Variants in FOCAD observed in about 807,000 individuals in gnomAD.
The protein encoded by FOCAD is focadhesin.
In FOCAD, 198 loss-of-function variants were observed where a neutral mutation model predicts 225.6. The ratio of observed to expected loss-of-function variants is 0.88; its 90% CI spans 0.78 to 0.99. The LOEUF (loss-of-function observed/expected upper bound fraction) is 0.99, where lower values mean the gene tolerates loss of function less well. FOCAD is among the 50% of genes least tolerant of loss of function. The pLI, the probability that FOCAD is intolerant of heterozygous loss-of-function variation, is 0.00. For synonymous variants in FOCAD, 897 were observed against 755.0 expected (o/e 1.19, Z -3.08); for missense variants, 2,713 against 2,123.6 (o/e 1.28, Z -5.46).
intron 5 of FOCAD, among the ~76,000 whole-genome samples, chr9:20,751,774 A>G (rs1031135470): frequency 1.3e-5 from 2 of 148,462 alleles, no homozygotes; most frequent in African/African-American, 2.5e-5. Context: ...AGTCCCACCA[A>G]CAGTGTAAAA....
At chr9:20,698,564 C>G (rs560120960) in intron 1 of FOCAD, among the ~76,000 whole-genome samples, 1 of 152,116 alleles carries the variant, frequency 6.6e-6, no homozygotes, top group South Asian at 2.1e-4. Flanking sequence ...CTGTGCCTGG[C>G]TAATTTTTTA....
intron 19 of FOCAD, among the ~76,000 whole-genome samples, chr9:20,877,647 C>T (rs1281037981): frequency 3.3e-5 from 5 of 152,074 alleles, no homozygotes; most frequent in African/African-American, 4.8e-5. Flanking sequence ...CTGCAGTCAC[C>T]GGAAATACTC....
chr9:20,789,393 A>G lies in FOCAD; in HGVS notation c.1240A>G (p.Thr414Ala). The change falls in exon 11 of 44, where the codon ACA becomes GCA. Residue 414 changes from threonine (T) to alanine (A), a missense_variant. Coordinates refer to ENST00000338382, the MANE Select transcript of FOCAD (RefSeq NM_001375567.1). Reference sequence around the variant, plus strand: ...GTGCCCTGTAACCAGTATGTATGGTACAATATTTACAGCCTGGAGGATTCT... The same window carrying G: ...GTGCCCTGTAACCAGTATGTATGGTGCAATATTTACAGCCTGGAGGATTCT... ...LVCPVTSMYGTIFTAWRILEV... is the reference protein window; with the variant it reads ...LVCPVTSMYGAIFTAWRILEV... 4 of 1,614,042 alleles carry G rather than the reference A, an allele frequency of 2.5e-6. No homozygotes were observed. Among genetic ancestry groups the G allele is most frequent in the Non-Finnish European group, 3.4e-6 (4 of 1,179,952 alleles).
In FOCAD at chr9:20,967,650, A is replaced by G. The variant is rs760766098; in HGVS notation, c.4133-8770A>G. ...TGTGAGTTTTTCACAGTTTTTCTTT[A>G]TCATGTTAACATAGTATTATGTGTG... On this transcript the variant is annotated intron_variant, in intron 35 of 43. Transcript: ENST00000338382. 7.2e-4 allele frequency among the ~76,000 whole-genome samples: 109 copies of G among 152,056 alleles called. 1 individual carries two copies. The highest frequency in any genetic ancestry group is 1.3e-3 in the Non-Finnish European group (90 of 67,992).
chr9:20,782,083 G>A (rs1411813526), intron 10 of FOCAD, among the ~76,000 whole-genome samples, 154 bp downstream of exon 10: 1 of 151,678 alleles, frequency 6.6e-6, no homozygotes, highest in Non-Finnish European at 1.5e-5. Flanking sequence ...TATTCTTCTG[G>A]ACTATAAGAA....
chr9:20,686,377 G>C (rs567357599), intron 1 of FOCAD, among the ~76,000 whole-genome samples: 1 of 152,182 alleles, frequency 6.6e-6, no homozygotes, highest in South Asian at 2.1e-4. Context: ...GGCTGGTCTC[G>C]AAATCCTGAC....
intron 7 of FOCAD, 113 bp from the exon 8 acceptor site, chr9:20,769,919 A>T: frequency 1.1e-6 from 1 of 886,374 alleles, no homozygotes; most frequent in Non-Finnish European, 1.7e-6. Flanking sequence ...CATCTCCTTT[A>T]AGTCTTTATA....
chr9:20,716,222 A>T (rs772309877), intron 2 of FOCAD: 1 of 413,516 alleles, frequency 2.4e-6, no homozygotes, highest in Non-Finnish European at 5.6e-6. Flanking sequence ...CATGAAGAAG[A>T]AGATGAAGGC....
chr9:20,823,229 A>C, intron 15 of FOCAD, 114 bp downstream of exon 15: 1 of 1,212,396 alleles, frequency 8.2e-7, no homozygotes, highest in East Asian at 3.0e-5. Flanking sequence ...GTTCATTCCC[A>C]GTGAATTTTT....
At chr9:20,877,266 T>C (rs1445322984) in intron 19 of FOCAD, among the ~76,000 whole-genome samples, 1 of 152,198 alleles carries the variant, frequency 6.6e-6, no homozygotes, top group African/African-American at 2.4e-5. Flanking sequence ...AATAGCATAA[T>C]TGTAATTGCC....
At chr9:20,703,299 A>C (rs1002684927) in intron 1 of FOCAD, among the ~76,000 whole-genome samples, 5 of 152,096 alleles carry the variant, frequency 3.3e-5, no homozygotes, top group Non-Finnish European at 5.9e-5. Flanking sequence ...TGAGAGTTCT[A>C]GACCCAGATG....
At chr9:20,841,637 C>G (rs1419466864) in intron 15 of FOCAD, among the ~76,000 whole-genome samples, 1 of 151,346 alleles carries the variant, frequency 6.6e-6, no homozygotes, top group Non-Finnish European at 1.5e-5. Context: ...TTATTTGGGC[C>G]TTCTTTTTCT....
chr9:20,717,269 A>G (rs996131841), intron 2 of FOCAD, among the ~76,000 whole-genome samples: 11 of 152,208 alleles, frequency 7.2e-5, no homozygotes, highest in African/African-American at 2.7e-4. Flanking sequence ...TCACAGCTAT[A>G]CCGTAATTTG....
At chr9:20,992,481 A>G (rs905631953) in intron 42 of FOCAD, among the ~76,000 whole-genome samples, 9 of 152,226 alleles carry the variant, frequency 5.9e-5, no homozygotes, top group African/African-American at 2.2e-4. Flanking sequence ...GGGAGGCAGC[A>G]TGATGCAAAG....
chr9:20,706,512 G>A (rs1393830281), intron 1 of FOCAD, among the ~76,000 whole-genome samples: 1 of 152,192 alleles, frequency 6.6e-6, no homozygotes. Flanking sequence ...ATACGATGCA[G>A]TGATATGGAA....
chr9:20,666,053 C>A (rs1821892248), intron 2 of FOCAD, among the ~76,000 whole-genome samples: 1 of 152,118 alleles, frequency 6.6e-6, no homozygotes, highest in South Asian at 2.1e-4. Context: ...CGCCACCACG[C>A]CCAGCTAATT....
At chr9:20,921,782 T>A (rs2132128915) in intron 24 of FOCAD, among the ~76,000 whole-genome samples, 1 of 152,358 alleles carries the variant, frequency 6.6e-6, no homozygotes, top group Non-Finnish European at 1.5e-5. Flanking sequence ...AGTGAAGGAT[T>A]TGAAATAAAA....
chr9:20,787,804 C>T lies in FOCAD; in HGVS notation c.1198-1547C>T, dbSNP rs998164438. On this transcript the variant is annotated intron_variant, in intron 10 of 43. Coordinates refer to ENST00000338382, the MANE Select transcript of FOCAD (RefSeq NM_001375567.1). ...GCAACTACAAATATATTATCTTTTT[C>T]TCCTCACTCTCTTTGAAAAAAAAAA... Among the ~76,000 whole-genome samples the T allele has an allele frequency of 2.6e-5, 4 of 151,730 alleles. No homozygotes were observed. The East Asian group carries it at 5.8e-4, about 22-fold the overall frequency.
At chr9:20,823,860 G>A (rs1824592860) in intron 15 of FOCAD, among the ~76,000 whole-genome samples, 1 of 152,176 alleles carries the variant, frequency 6.6e-6, no homozygotes, top group South Asian at 2.1e-4. Flanking sequence ...GCCATATTGA[G>A]CGTTATGCTC....
Sources: gnomAD v4.1 joint callset for allele counts (sites outside exome capture counted in the v4.1 genomes callset) on GRCh38, gnomAD v4.1.1 for gene constraint, MANE v1.5 for transcripts, NCBI Gene and HGNC (gene_info 2026-07-23, HGNC 2026-07-21) for gene names.